Variants in TBC1D19 observed in about 807,000 individuals in gnomAD.
TBC1D19 encodes TBC1 domain family, member 19.
TBC1D19 carries 60 observed loss-of-function variants against 89.0 expected under a neutral mutation model. The ratio of observed to expected loss-of-function variants is 0.67; its 90% CI spans 0.55 to 0.84. The LOEUF is 0.84. TBC1D19 is among the 40% of genes least tolerant of loss of function. TBC1D19 has a pLI of 0.00. For missense variants in TBC1D19, 500 were observed against 610.8 expected (o/e 0.82, Z 1.91); for synonymous variants, 189 against 199.7 (o/e 0.95, Z 0.45).
chr4:26,840,236 C>T, the TBC1D19 span, among the ~76,000 whole-genome samples: 1 of 152,080 alleles, frequency 6.6e-6, no homozygotes, highest in African/African-American at 2.4e-5. Context: ...TGCCCACCAT[C>T]ATGCCCAGCC....
At chr4:26,810,606 C>T in the TBC1D19 span, among the ~76,000 whole-genome samples, 12,483 of 152,098 alleles carry the variant, frequency 0.082, 722 homozygotes, top group African/African-American at 0.15. Context: ...GCTTGCCCTG[C>T]GCCATGCTGT....
At chr4:26,832,778 A>T in the TBC1D19 span, among the ~76,000 whole-genome samples, 2 of 152,172 alleles carry the variant, frequency 1.3e-5, no homozygotes, top group Non-Finnish European at 2.9e-5. Context: ...AGATCACTTG[A>T]GGTCAGGTGA....
chr4:26,673,924 T>C, intron 11 of TBC1D19, 36 bp downstream of exon 11: 1 of 1,289,584 alleles, frequency 7.8e-7, no homozygotes, highest in Non-Finnish European at 1.1e-6. Flanking sequence ...GATTTTAGCT[T>C]TGGGGTATTT....
At chr4:26,846,744 T>G in the TBC1D19 span, among the ~76,000 whole-genome samples, 1 of 152,224 alleles carries the variant, frequency 6.6e-6, no homozygotes, top group East Asian at 1.9e-4. Context: ...CTCCATTTAT[T>G]TATTTATTTT....
At chr4:26,783,401 A>G in the TBC1D19 span, among the ~76,000 whole-genome samples, 1 of 152,226 alleles carries the variant, frequency 6.6e-6, no homozygotes, top group Non-Finnish European at 1.5e-5. Flanking sequence ...ATCACTGACA[A>G]TGACTTGCCA....
intron 1 of TBC1D19, among the ~76,000 whole-genome samples, chr4:26,593,001 A>G (rs916708270): frequency 2.0e-5 from 3 of 152,126 alleles, no homozygotes; most frequent in African/African-American, 4.8e-5. Flanking sequence ...TAAAGTTCAT[A>G]TGGAACCAAA....
intron 1 of TBC1D19, among the ~76,000 whole-genome samples, chr4:26,610,312 C>T (rs773609534): frequency 2.0e-5 from 3 of 151,720 alleles, no homozygotes; most frequent in Non-Finnish European, 4.4e-5. Flanking sequence ...ATAAGTGAAA[C>T]TTTGCCAGCC....
At chr4:26,772,588 C>T in the TBC1D19 span, among the ~76,000 whole-genome samples, 1 of 152,120 alleles carries the variant, frequency 6.6e-6, no homozygotes, top group Non-Finnish European at 1.5e-5. Flanking sequence ...GCCCAGCATT[C>T]ATTAGCTGTT....
chr4:26,744,292 G>T (rs1371131318), intron 18 of TBC1D19, among the ~76,000 whole-genome samples: 2 of 151,404 alleles, frequency 1.3e-5, no homozygotes, highest in East Asian at 1.9e-4. Flanking sequence ...CTGGCTGCAG[G>T]TTTATCAATT....
chr4:26,779,680 AG>A, the TBC1D19 span, among the ~76,000 whole-genome samples: 1 of 152,216 alleles, frequency 6.6e-6, no homozygotes, highest in African/African-American at 2.4e-5. Flanking sequence ...CAGAATAAGA[AG>A]GGCCCTGGGG....
chr4:26,765,224 G>A, the TBC1D19 span, among the ~76,000 whole-genome samples: 1 of 152,104 alleles, frequency 6.6e-6, no homozygotes, highest in Non-Finnish European at 1.5e-5. Flanking sequence ...TTTGCAAGAA[G>A]GAAGGAGGAA....
chr4:26,761,637 C>T, the TBC1D19 span, among the ~76,000 whole-genome samples: 255 of 152,210 alleles, frequency 1.7e-3, no homozygotes, highest in African/African-American at 5.8e-3. Context: ...GTATGTCATC[C>T]ATAAATAAAT....
At chr4:26,636,972 T>C (rs1743175404) in intron 4 of TBC1D19, among the ~76,000 whole-genome samples, 1 of 152,156 alleles carries the variant, frequency 6.6e-6, no homozygotes, top group Non-Finnish European at 1.5e-5. Context: ...CATCCTCAAC[T>C]AAAATATCAG....
At chr4:26,800,583 T>A in the TBC1D19 span, among the ~76,000 whole-genome samples, 2 of 152,226 alleles carry the variant, frequency 1.3e-5, no homozygotes, top group African/African-American at 4.8e-5. Context: ...ATCGCCACAC[T>A]GACTTCCGCA....
At chr4:26,593,697 C>T (rs985770791) in intron 1 of TBC1D19, among the ~76,000 whole-genome samples, 40 of 152,176 alleles carry the variant, frequency 2.6e-4, no homozygotes, top group Non-Finnish European at 3.5e-4. Flanking sequence ...ACAGACACTT[C>T]CCAAAAGAAG....
chr4:26,737,879 T>C (rs1342199672), intron 16 of TBC1D19, among the ~76,000 whole-genome samples: 1 of 152,104 alleles, frequency 6.6e-6, no homozygotes, highest in Non-Finnish European at 1.5e-5. Context: ...AAGATAGTAA[T>C]TTATTTTAAA....
intron 16 of TBC1D19, among the ~76,000 whole-genome samples, chr4:26,738,556 G>A (rs1227489195): frequency 2.0e-5 from 3 of 151,662 alleles, no homozygotes; most frequent in African/African-American, 4.8e-5. Flanking sequence ...TTATTTAATA[G>A]TAAAATAAGT....
intron 18 of TBC1D19, among the ~76,000 whole-genome samples, chr4:26,747,585 A>G (rs1486110993): frequency 6.6e-6 from 1 of 152,222 alleles, no homozygotes; most frequent in Non-Finnish European, 1.5e-5. Context: ...TTGACAAAAT[A>G]TGATAATTCC....
chr4:26,774,990 A>G, the TBC1D19 span, among the ~76,000 whole-genome samples: 1 of 152,320 alleles, frequency 6.6e-6, no homozygotes, highest in Admixed American at 6.5e-5. Context: ...TTTTATTAGG[A>G]ACTAAGGTTG....
Sources: allele counts gnomAD v4.1 joint callset (sites outside exome capture counted in the v4.1 genomes callset), GRCh38; gene constraint gnomAD v4.1.1; transcripts MANE v1.5; gene names NCBI Gene and HGNC (gene_info 2026-07-23, HGNC 2026-07-21).